DIP2C: variants seen among roughly 807,000 people sequenced by gnomAD.
DIP2C encodes the protein DIP2 acetate--CoA ligase C (putative), also known as disco-interacting protein 2 homolog C.
Under a neutral mutation model 192.4 loss-of-function variants are expected in DIP2C, and 33 were observed. That is an observed-to-expected ratio of 0.17 (90% CI 0.13 to 0.23). The LOEUF (loss-of-function observed/expected upper bound fraction) is 0.23, where lower values mean the gene tolerates loss of function less well. DIP2C is among the 10% of genes least tolerant of loss of function. The probability of loss-of-function intolerance (pLI) is 1.00; values close to 1 mark genes in which losing one functional copy is unlikely to be tolerated. For missense variants in DIP2C, 1,537 were observed against 2,110.1 expected (o/e 0.73, Z 5.32); for synonymous variants, 979 against 864.1 (o/e 1.13, Z -2.33).
In DIP2C at chr10:276,850, C is replaced by T. The variant is rs1323036017; in HGVS notation, c.*475G>A. ...ACTTTCCTAAAAGGATGAGATCTAG[C>T]AATGGCTTAAATTAGTAACAGATCC... On this transcript the variant is annotated 3_prime_UTR_variant, in exon 37 of 37. Coordinates refer to ENST00000280886, the MANE Select transcript of DIP2C (RefSeq NM_014974.3). 1 of 157,284 alleles carries T rather than the reference C, an allele frequency of 6.4e-6. No homozygotes were observed. Among genetic ancestry groups the T allele is most frequent in the Non-Finnish European group, 1.4e-5 (1 of 70,834 alleles). The allele number at this position is 157,284 out of a possible 1,614,324, so 9.7% of individuals were successfully genotyped here.
At chr10:624,023 G>A (rs1854041129) in intron 1 of DIP2C, among the ~76,000 whole-genome samples, 1 of 152,230 alleles carries the variant, frequency 6.6e-6, no homozygotes, top group Non-Finnish European at 1.5e-5. Context: ...CAACACAGTT[G>A]GGCTCGAACC....
intron 1 of DIP2C, among the ~76,000 whole-genome samples, chr10:539,238 A>G (rs548284770): frequency 6.6e-6 from 1 of 152,224 alleles, no homozygotes; most frequent in South Asian, 2.1e-4. Flanking sequence ...TTAAATATTT[A>G]TTTTGCTTCT....
At chr10:338,504 C>G (rs1181194707) in intron 29 of DIP2C, among the ~76,000 whole-genome samples, 1 of 152,056 alleles carries the variant, frequency 6.6e-6, no homozygotes, top group Admixed American at 6.5e-5. Context: ...GACACACGAC[C>G]ACTTACCATC....
chr10:613,165 A>C (rs570189875), intron 1 of DIP2C, among the ~76,000 whole-genome samples: 1 of 152,226 alleles, frequency 6.6e-6, no homozygotes, highest in African/African-American at 2.4e-5. Flanking sequence ...ACCAGAGTTC[A>C]TAACATGTGA....
At chr10:377,378 TCAC>T (rs1038908651) in intron 17 of DIP2C, among the ~76,000 whole-genome samples, 6 of 152,156 alleles carry the variant, frequency 3.9e-5, no homozygotes, top group African/African-American at 1.4e-4. Context: ...ATCATCTAAT[TCAC>T]CACAAAACAG....
chr10:601,014 T>C (rs780769609), intron 1 of DIP2C, among the ~76,000 whole-genome samples: 3 of 152,180 alleles, frequency 2.0e-5, no homozygotes, highest in Admixed American at 1.3e-4. Context: ...ACGTTACATG[T>C]TCACCTGAGA....
At chr10:561,833 T>G (rs1329369664) in intron 1 of DIP2C, among the ~76,000 whole-genome samples, 1 of 152,068 alleles carries the variant, frequency 6.6e-6, no homozygotes, top group Non-Finnish European at 1.5e-5. Flanking sequence ...TAATACACTT[T>G]TTCCTCCTTA....
chr10:496,993 G>A (rs549229800), intron 1 of DIP2C, among the ~76,000 whole-genome samples: 9 of 152,194 alleles, frequency 5.9e-5, no homozygotes, highest in East Asian at 3.9e-4. Context: ...GTGTGGTGGC[G>A]GGTGCCTGTA....
intron 1 of DIP2C, among the ~76,000 whole-genome samples, chr10:574,268 TAGC>T (rs1850006786): frequency 1.3e-5 from 2 of 152,238 alleles, no homozygotes; most frequent in Admixed American, 6.5e-5. Context: ...GCACAATTCC[TAGC>T]AGATTTTAGC....
intron 1 of DIP2C, among the ~76,000 whole-genome samples, chr10:535,382 C>CG (rs1488879680): frequency 2.0e-5 from 3 of 152,016 alleles, no homozygotes; most frequent in South Asian, 2.1e-4. Context: ...CCACGCTTCT[C>CG]GGGGGGCATT....
At chr10:294,018 C>T (rs1383767640) in intron 32 of DIP2C, among the ~76,000 whole-genome samples, 1 of 152,176 alleles carries the variant, frequency 6.6e-6, no homozygotes, top group Non-Finnish European at 1.5e-5. Flanking sequence ...AAATGAAGTA[C>T]CAAAGCATAC....
intron 1 of DIP2C, among the ~76,000 whole-genome samples, chr10:683,071 A>G (rs1831188912): frequency 6.6e-6 from 1 of 152,224 alleles, no homozygotes; most frequent in African/African-American, 2.4e-5. Flanking sequence ...CGATGTCACT[A>G]CCAACATACC....
intron 1 of DIP2C, among the ~76,000 whole-genome samples, chr10:594,313 G>C (rs1488715307): frequency 6.6e-6 from 1 of 152,124 alleles, no homozygotes; most frequent in Non-Finnish European, 1.5e-5. Flanking sequence ...AACCCCACAT[G>C]AAACTCCCCA....
intron 18 of DIP2C, among the ~76,000 whole-genome samples, chr10:367,155 C>T (rs891788914): frequency 1.4e-4 from 22 of 152,248 alleles, no homozygotes; most frequent in South Asian, 2.1e-4. Flanking sequence ...CGGTGGCTCA[C>T]GCCTGTAATC....
At chr10:424,453 A>G (rs1052514808) in intron 4 of DIP2C, among the ~76,000 whole-genome samples, 1 of 136,118 alleles carries the variant, frequency 7.3e-6, no homozygotes, top group Non-Finnish European at 1.5e-5. Context: ...ATAACCTCTC[A>G]CTCCCTGGTT....
At chr10:542,803 T>C (rs1236015906) in intron 1 of DIP2C, among the ~76,000 whole-genome samples, 2 of 150,644 alleles carry the variant, frequency 1.3e-5, no homozygotes, top group Non-Finnish European at 2.9e-5. Context: ...TCCCAGTTCT[T>C]ATCAGATTGG....
At chr10:593,080 G>C (rs537105574) in intron 1 of DIP2C, among the ~76,000 whole-genome samples, 1 of 152,084 alleles carries the variant, frequency 6.6e-6, no homozygotes, top group Non-Finnish European at 1.5e-5. Flanking sequence ...AGTAGTGGCC[G>C]GGAACGGTGG....
chr10:426,291 G>C (rs1966594067), intron 4 of DIP2C, among the ~76,000 whole-genome samples: 1 of 152,066 alleles, frequency 6.6e-6, no homozygotes, highest in Non-Finnish European at 1.5e-5. Context: ...TAACAAAAAG[G>C]TACAAAATGT....
chr10:553,794 C>T (rs1014730810), intron 1 of DIP2C, among the ~76,000 whole-genome samples: 1 of 151,054 alleles, frequency 6.6e-6, no homozygotes, highest in Admixed American at 6.6e-5. Flanking sequence ...AGGTATACCG[C>T]TTGTAACTGT....
Sources: allele counts gnomAD v4.1 joint callset (sites outside exome capture counted in the v4.1 genomes callset), GRCh38; gene constraint gnomAD v4.1.1; transcripts MANE v1.5; gene names NCBI Gene and HGNC (gene_info 2026-07-23, HGNC 2026-07-21).